The following NEB variants were observed in gnomAD, a reference collection of about 807,000 sequenced individuals.
The protein encoded by NEB is nebulin, also known as nemaline myopathy type 2.
A neutral mutation model predicts 952.2 loss-of-function variants in NEB; 512 were observed. The observed-to-expected ratio is 0.54, with a 90% confidence interval of 0.50 to 0.58. NEB has a LOEUF of 0.58. NEB is among the 20% of genes least tolerant of loss of function. NEB has a pLI of 0.00. For missense variants in NEB, 8,428 were observed against 9,231.1 expected, an observed-to-expected ratio of 0.91 and a Z score of 3.56; for synonymous variants, 2,900 against 3,149.8, an observed-to-expected ratio of 0.92 and a Z score of 2.66.
chr2:151,695,597 T>C lies in NEB; in HGVS notation c.1655A>G (p.Asn552Ser), dbSNP rs777578577. Residue 552 changes from asparagine (N) to serine (S), a missense_variant, in exon 18 of 182, where the codon AAT becomes AGT. Physicochemically the swap from Asn to Ser is conservative, Grantham distance 46. Transcript: ENST00000397345. ...ACTTACATCACTCAAGTTATAGGCA[T>C]TGACTTTGTGCTGGATAAAAGCAGG... ...DTPAFIQHKV[N>S]AYNLSDNLYK... is the part of the protein sequence containing the mutation. The C allele has an allele frequency of 1.9e-6, 3 of 1,613,652 alleles. No homozygotes were observed. Among genetic ancestry groups the C allele is most frequent in the Non-Finnish European group, 2.5e-6 (3 of 1,179,598 alleles).
At position 151,575,750 on chromosome 2, in the gene NEB, A is replaced by G. The variant is rs763012000; in HGVS notation, c.16958T>C (p.Met5653Thr). Reference sequence around the variant, plus strand: ...GAGATTAATTTCTGGAGTATCTGGCATTATGTGTATTGAAGTTTTATCCTT... The same window carrying G: ...GAGATTAATTTCTGGAGTATCTGGCGTTATGTGTATTGAAGTTTTATCCTT... Reference protein sequence around the residue: ...WDKDKTSIHIMPDTPEINLAR... With the variant: ...WDKDKTSIHITPDTPEINLAR... The change falls in exon 107 of 182, where the codon ATG becomes ACG. Residue 5653 changes from methionine (M) to threonine (T), a missense_variant. By Grantham distance (81) the Met-to-Thr change is moderately conservative. This residue lies in a region of NEB where 3,374 missense variants were observed against 3,651.5 expected (regional missense o/e 0.92). Transcript: ENST00000397345. 6.8e-6 allele frequency: 11 copies of G among 1,611,122 alleles called. No homozygotes were observed. In the African/African-American group the frequency reaches 8.0e-5, roughly 12 times the overall value.
chr2:151,669,051 T>A lies in NEB; in HGVS notation c.4587A>T (p.Lys1529Asn). 6.3e-7 allele frequency: 1 copy of A among 1,597,170 alleles called. No homozygotes were observed. The highest frequency in any genetic ancestry group is 8.5e-7 in the Non-Finnish European group (1 of 1,170,790). ...DPELPQFIQA[K>N]VNALNMSDAH... Reference sequence around the variant, plus strand: ...CATCACTCATGTTGAGGGCGTTGACTTTGGCTTGAATAAACTGAGGCAATT... The same window carrying A: ...CATCACTCATGTTGAGGGCGTTGACATTGGCTTGAATAAACTGAGGCAATT... Residue 1529 changes from lysine (K) to asparagine (N), a missense_variant, in exon 39 of 182, where the codon AAA becomes AAT. By Grantham distance (94) the Lys-to-Asn change is moderately conservative. Coordinates refer to ENST00000397345, the MANE Select transcript of NEB (RefSeq NM_001164508.2).
chr2:151,691,939 A>G lies in NEB; in HGVS notation c.2136T>C (p.Asp712=). ...TCTGAGGGAAATAGCATTTTCCTTTATCTTCTTCATATTCTGCTTTGTAAC... is the reference window on the plus strand; with the variant it reads ...TCTGAGGGAAATAGCATTTTCCTTTGTCTTCTTCATATTCTGCTTTGTAAC... ...DKSYKAEYEE[D]KGKCYFPQTI... The change falls in exon 23 of 182, where the codon GAT becomes GAC. Residue 712 remains aspartate, a synonymous_variant. Coordinates refer to ENST00000397345, the MANE Select transcript of NEB (RefSeq NM_001164508.2). 6.2e-7 allele frequency: 1 copy of G among 1,610,572 alleles called. No homozygotes were observed. Among genetic ancestry groups the G allele is most frequent in the Non-Finnish European group, 8.5e-7 (1 of 1,177,826 alleles).
intron 130 of NEB, among the ~76,000 whole-genome samples, chr2:151,548,728 A>G (rs2095019030): frequency 6.6e-6 from 1 of 152,248 alleles, no homozygotes; most frequent in African/African-American, 2.4e-5. Context: ...ATTAGAAAAT[A>G]CAAAGAAGAA....
At chr2:151,668,537 C>A (rs546956355) in intron 39 of NEB, among the ~76,000 whole-genome samples, 2 of 152,050 alleles carry the variant, frequency 1.3e-5, no homozygotes, top group Admixed American at 1.3e-4. Context: ...TTATCAATAT[C>A]CTTTTTTTAA....
rs2099203002 is a variant in NEB at position 151,665,431 on chromosome 2, TCTCA to T, written c.5136_5139del (p.Ser1712ArgfsTer11). ...TTCTCGGGGTGCTGGCGATACTTCTTCTCACTAAGAATCTCTCCTGCTTTCTTTG... is the reference window on the plus strand; with the variant it reads ...TTCTCGGGGTGCTGGCGATACTTCTTCTAAGAATCTCTCCTGCTTTCTTTG... On this transcript the variant is annotated frameshift_variant, in exon 42 of 182. Coordinates refer to ENST00000397345, the MANE Select transcript of NEB (RefSeq NM_001164508.2). LOFTEE classifies it high-confidence loss of function. 6.2e-7 allele frequency: 1 copy of T among 1,613,770 alleles called. No homozygotes were observed. The highest frequency in any genetic ancestry group is 8.5e-7 in the Non-Finnish European group (1 of 1,179,798).
At chr2:151,728,536 G>A (rs1409139645) in intron 4 of NEB, among the ~76,000 whole-genome samples, 1 of 152,136 alleles carries the variant, frequency 6.6e-6, no homozygotes, top group Non-Finnish European at 1.5e-5. Context: ...TAAATGCTTA[G>A]GTGGACAAGA....
intron 3 of NEB, among the ~76,000 whole-genome samples, chr2:151,731,043 T>C (rs1243309237): frequency 2.6e-5 from 4 of 152,150 alleles, no homozygotes; most frequent in Non-Finnish European, 5.9e-5. Context: ...TGACGCCACA[T>C]AGAGTCATTC....
At chr2:151,711,064 A>G (rs529803903) in intron 10 of NEB, among the ~76,000 whole-genome samples, 3 of 152,330 alleles carry the variant, frequency 2.0e-5, no homozygotes, top group Admixed American at 2.0e-4. Context: ...TTATTGCCCC[A>G]TCTGACTCCC....
At chr2:151,521,931 T>C (rs1242485013) in intron 153 of NEB, among the ~76,000 whole-genome samples, 2 of 152,192 alleles carry the variant, frequency 1.3e-5, no homozygotes, top group Non-Finnish European at 1.5e-5. Context: ...GGTTTAGGAC[T>C]CTAGGAATTC....
chr2:151,680,849 A>G (rs2099408969), intron 29 of NEB, 21 bp from the exon 30 acceptor site: 2 of 1,550,230 alleles, frequency 1.3e-6, no homozygotes. Context: ...AATCAAAAAG[A>G]GAAAAACAAT....
At chr2:151,706,305 G>A (rs867311024) in intron 13 of NEB, among the ~76,000 whole-genome samples, 8 of 152,082 alleles carry the variant, frequency 5.3e-5, no homozygotes, top group African/African-American at 9.7e-5. Flanking sequence ...AAACCTAACC[G>A]TAAGAGATAA....
At position 151,549,755 on chromosome 2, in the gene NEB, A is replaced by C; in HGVS notation, c.19945-15T>G. The C allele has an allele frequency of 6.7e-7, 1 of 1,489,908 alleles. No homozygotes were observed. Among genetic ancestry groups the C allele is most frequent in the East Asian group, 2.4e-5 (1 of 42,062 alleles). 92.3% of individuals were successfully genotyped at this position (1,489,908 alleles called of 1,614,324 possible). ...TTGTATAGATTCTGCAGGAATGAGG[A>C]AGAGCAGGTTAAATGACATCGGGCA... On this transcript the variant is annotated splice_polypyrimidine_tract_variant and intron_variant, in intron 129 of 181. Coordinates refer to ENST00000397345, the MANE Select transcript of NEB (RefSeq NM_001164508.2).
At chr2:151,542,525 G>A (rs919621096) in intron 135 of NEB, among the ~76,000 whole-genome samples, 1 of 152,034 alleles carries the variant, frequency 6.6e-6, no homozygotes, top group African/African-American at 2.4e-5. Flanking sequence ...TAAATGACTT[G>A]TTGATATCCC....
Position 151,545,973 on chromosome 2 carries a change from G to T in NEB, c.20492C>A (p.Ala6831Glu). 2 of 1,567,632 alleles carry T rather than the reference G, an allele frequency of 1.3e-6. No homozygotes were observed. ...LWSNYLYTDK[A>E]RKMRDKYKVV... ...TTTGTATTTGTCTCGCATCTTCCTT[G>T]CCTTATCAGTGTATAGGTAATTAGA... The change falls in exon 135 of 182, where the codon GCA (alanine) becomes GAA (glutamate). Residue 6831 changes from alanine (A) to glutamate (E), a missense_variant. Ala to Glu is a moderately radical substitution (Grantham distance 107). Around this residue, in one of 11 missense-constraint regions of NEB, gnomAD observed 3,374 missense variants for 3,651.5 expected, o/e 0.92. Coordinates refer to ENST00000397345, the MANE Select transcript of NEB (RefSeq NM_001164508.2).
At chr2:151,659,940 CCT>C (rs1209600443) in intron 46 of NEB, among the ~76,000 whole-genome samples, 1 of 152,046 alleles carries the variant, frequency 6.6e-6, no homozygotes, top group Non-Finnish European at 1.5e-5. Flanking sequence ...TAACTTATGG[CCT>C]CTAGCCTTTT....
intron 62 of NEB, 85 bp downstream of exon 62, chr2:151,639,772 A>C: frequency 2.6e-6 from 3 of 1,162,920 alleles, no homozygotes; most frequent in Non-Finnish European, 3.6e-6. Context: ...TTATTACTCA[A>C]TGTTCTTTCT....
intron 165 of NEB, among the ~76,000 whole-genome samples, chr2:151,504,083 T>C (rs1345329857): frequency 1.3e-5 from 2 of 152,170 alleles, no homozygotes; most frequent in African/African-American, 4.8e-5. Context: ...TGCATTTTAA[T>C]GAAAACATTA....
At chr2:151,670,101 A>G (rs968588475) in intron 38 of NEB, among the ~76,000 whole-genome samples, 1 of 152,206 alleles carries the variant, frequency 6.6e-6, no homozygotes, top group Non-Finnish European at 1.5e-5. Flanking sequence ...TGCCTAGCTA[A>G]CTGGAAAAAC....
Sources: gnomAD v4.1 joint callset for allele counts (sites outside exome capture counted in the v4.1 genomes callset) on GRCh38, gnomAD v4.1.1 for gene constraint, gnomAD v4.1.1 regional missense constraint, MANE v1.5 for transcripts, NCBI Gene and HGNC (gene_info 2026-07-23, HGNC 2026-07-21) for gene names.